Variants in PAK3 observed in about 807,000 individuals in gnomAD.
PAK3 encodes serine/threonine-protein kinase PAK 3.
A neutral mutation model predicts 41.0 loss-of-function variants in PAK3; 4 were observed. The observed-to-expected ratio is 0.10, with a 90% CI of 0.05 to 0.22. The LOEUF (loss-of-function observed/expected upper bound fraction) is 0.22. Ranked by LOEUF, PAK3 falls within the 10% of genes least tolerant of loss-of-function variation. The probability of loss-of-function intolerance (pLI) is 1.00; values close to 1 mark genes in which losing one functional copy is unlikely to be tolerated. For synonymous variants in PAK3, 146 were observed against 139.6 expected, an observed-to-expected ratio of 1.05 and a Z score of -0.32; for missense variants, 205 against 409.9, an observed-to-expected ratio of 0.50 and a Z score of 4.32.
At chrX:111,112,190 G>A (rs1050829293) in intron 4 of PAK3, among the ~76,000 whole-genome samples, 1 of 110,739 alleles carries the variant, frequency 9.0e-6, no homozygotes, top group Middle Eastern at 4.7e-3. Flanking sequence ...TTGTAGAAAC[G>A]CATATTAAAC....
chrX:110,986,418 AAAG>A (rs2091545259), intron 1 of PAK3, among the ~76,000 whole-genome samples: 1 of 112,086 alleles, frequency 8.9e-6, no homozygotes, highest in African/African-American at 3.2e-5. Context: ...TGAAAAAATA[AAAG>A]AAGAGAGGGA....
At chrX:111,001,872 G>C (rs992692163) in intron 1 of PAK3, among the ~76,000 whole-genome samples, 21 of 110,334 alleles carry the variant, frequency 1.9e-4, no homozygotes, top group Non-Finnish European at 3.6e-4. Flanking sequence ...ATTCATGGGA[G>C]GCTTGGTGAC....
intron 11 of PAK3, among the ~76,000 whole-genome samples, chrX:111,191,370 G>A (rs1468007894): frequency 8.9e-6 from 1 of 111,779 alleles, no homozygotes; most frequent in African/African-American, 3.3e-5. Context: ...AAGTTTTGGG[G>A]TTACAGGTGT....
At chrX:111,182,127 A>G (rs1311672377) in intron 11 of PAK3, among the ~76,000 whole-genome samples, 1 of 111,476 alleles carries the variant, frequency 9.0e-6, no homozygotes, top group Non-Finnish European at 1.9e-5. Flanking sequence ...AGCCACAGTA[A>G]TGAGCTTGTT....
At chrX:111,037,232 A>G (rs951658752) in intron 1 of PAK3, among the ~76,000 whole-genome samples, 1 of 112,004 alleles carries the variant, frequency 8.9e-6, no homozygotes, top group Non-Finnish European at 1.9e-5. Flanking sequence ...GTCATGAGCC[A>G]CTGCACCCAG....
At chrX:111,034,695 G>A (rs2092375695) in intron 1 of PAK3, among the ~76,000 whole-genome samples, 1 of 111,319 alleles carries the variant, frequency 9.0e-6, no homozygotes, top group Non-Finnish European at 1.9e-5. Flanking sequence ...TAGTGTAGGG[G>A]AATGACCTTC....
intron 1 of PAK3, among the ~76,000 whole-genome samples, chrX:111,073,557 G>A (rs187850785): frequency 9.0e-6 from 1 of 111,573 alleles, no homozygotes; most frequent in East Asian, 2.8e-4. Flanking sequence ...AAAAACAAAT[G>A]ATCATAAGAA....
chrX:111,146,544 G>A lies in PAK3; in HGVS notation c.277-1193G>A, dbSNP rs200670003. 4.8e-4 allele frequency: 554 copies of A among 1,151,877 alleles called. 1 individual carries two copies. The highest frequency in any genetic ancestry group is 4.9e-4 in the Non-Finnish European group (417 of 853,306). The allele number at this position is 1,151,877 out of a possible 1,213,427, so 94.9% of individuals were successfully genotyped here. On this transcript the variant is annotated intron_variant, in intron 6 of 17. Transcript: ENST00000372007. ...AGCCAGATCTCTATGGCTCACAGAT[G>A]TGCCCAGGGAAGCTCCCAGAGGTGC...
intron 4 of PAK3, among the ~76,000 whole-genome samples, chrX:111,118,012 T>C (rs191867093): frequency 1.0e-3 from 116 of 111,444 alleles, no homozygotes; most frequent in Middle Eastern, 9.2e-3. Context: ...TTCTTCTCCC[T>C]GTAAAATGCC....
intron 5 of PAK3, among the ~76,000 whole-genome samples, chrX:111,134,741 G>A (rs1246387714): frequency 9.0e-6 from 1 of 111,485 alleles, no homozygotes; most frequent in Non-Finnish European, 1.9e-5. Context: ...TTATTGAACT[G>A]AGGTGAGTCT....
intron 1 of PAK3, among the ~76,000 whole-genome samples, chrX:110,972,171 C>T (rs903667695): frequency 9.0e-6 from 1 of 111,112 alleles, no homozygotes; most frequent in African/African-American, 3.3e-5. Flanking sequence ...ATTCCCTTTC[C>T]TGTCTTATTG....
chrX:111,222,270 T>A lies in PAK3; in HGVS notation c.*1823T>A, dbSNP rs749369598. 3 of 111,764 alleles carry A rather than the reference T, an allele frequency of 2.7e-5. No individual in the cohort carries two copies. Among genetic ancestry groups the A allele is most frequent in the Non-Finnish European group, 5.7e-5 (3 of 53,069 alleles). 9.2% of individuals were successfully genotyped at this position (111,764 alleles called of 1,213,427 possible). On this transcript the variant is annotated 3_prime_UTR_variant, in exon 18 of 18. Transcript: ENST00000372007. ...CCATCTAACCATCCATATATCCACA[T>A]CTTAAAATGAAAGCACTTTCTTTAG...
intron 1 of PAK3, among the ~76,000 whole-genome samples, chrX:110,963,216 T>G (rs759088800): frequency 8.9e-6 from 1 of 112,635 alleles, no homozygotes; most frequent in East Asian, 2.8e-4. Flanking sequence ...TGAATTAAAA[T>G]TTTTTACATG....
intron 1 of PAK3, among the ~76,000 whole-genome samples, chrX:111,042,571 C>T (rs144927798): frequency 0.048 from 5,411 of 111,702 alleles, 124 homozygotes; most frequent in Non-Finnish European, 0.077. Flanking sequence ...TTTCTTGTGC[C>T]GTGTTCCAAG....
At chrX:111,204,878 G>GTTTT (rs1163687252) in intron 16 of PAK3, among the ~76,000 whole-genome samples, 27 of 37,658 alleles carry the variant, frequency 7.2e-4, no homozygotes, top group African/African-American at 1.1e-3. Flanking sequence ...CCTTTGCTTT[G>GTTTT]TTTTTTTTTT....
intron 1 of PAK3, among the ~76,000 whole-genome samples, chrX:111,086,898 TCAAA>T (rs746107659): frequency 2.7e-5 from 3 of 112,046 alleles, no homozygotes; most frequent in Non-Finnish European, 5.6e-5. Flanking sequence ...TCTCAAGGCC[TCAAA>T]CAAACAGATA....
At chrX:111,033,399 C>A (rs888015347) in intron 1 of PAK3, among the ~76,000 whole-genome samples, 1 of 112,198 alleles carries the variant, frequency 8.9e-6, no homozygotes, top group African/African-American at 3.2e-5. Context: ...GTCAGGTATC[C>A]TTTGCCTCAC....
At chrX:111,115,619 A>T (rs2093450199) in intron 4 of PAK3, among the ~76,000 whole-genome samples, 1 of 112,204 alleles carries the variant, frequency 8.9e-6, no homozygotes, top group Non-Finnish European at 1.9e-5. Flanking sequence ...AATAATAATG[A>T]AATTAAAAAA....
intron 1 of PAK3, among the ~76,000 whole-genome samples, chrX:111,085,319 C>T (rs977033819): frequency 8.9e-6 from 1 of 111,862 alleles, no homozygotes; most frequent in African/African-American, 3.3e-5. Context: ...CTGTCACCTC[C>T]AGCCTTTTAA....
Sources: gnomAD v4.1 joint callset for allele counts (sites outside exome capture counted in the v4.1 genomes callset) on GRCh38, gnomAD v4.1.1 for gene constraint, MANE v1.5 for transcripts, NCBI Gene and HGNC (gene_info 2026-07-23, HGNC 2026-07-21) for gene names.